The following TOX variants were observed in gnomAD, a reference collection of about 807,000 sequenced individuals.
TOX encodes the protein thymocyte selection associated high mobility group box.
TOX carries 11 observed loss-of-function variants against 53.7 expected under a neutral mutation model. That is an observed-to-expected ratio of 0.20 (90% CI 0.13 to 0.34). TOX has a LOEUF of 0.34. TOX is among the 10% of genes least tolerant of loss of function. TOX has a pLI of 1.00. For missense variants in TOX, 570 were observed against 664.6 expected (o/e 0.86, Z 1.56); for synonymous variants, 225 against 245.3 (o/e 0.92, Z 0.77).
chr8:58,848,329 T>A (rs913759323), intron 4 of TOX, among the ~76,000 whole-genome samples: 9 of 151,512 alleles, frequency 5.9e-5, no homozygotes, highest in African/African-American at 2.2e-4. Flanking sequence ...AAAAGAAACA[T>A]AAAATATTTG....
At chr8:58,859,331 T>C (rs867107420) in intron 3 of TOX, among the ~76,000 whole-genome samples, 11 of 152,174 alleles carry the variant, frequency 7.2e-5, no homozygotes, top group African/African-American at 2.4e-4. Context: ...TTTATAAAAA[T>C]GTATTTTTAT....
intron 1 of TOX, among the ~76,000 whole-genome samples, chr8:59,080,781 T>C (rs1043604678): frequency 1.3e-5 from 2 of 152,134 alleles, no homozygotes; most frequent in African/African-American, 4.8e-5. Flanking sequence ...TGCTACCATT[T>C]TGCCCTCCAC....
intron 1 of TOX, among the ~76,000 whole-genome samples, chr8:59,092,292 A>G (rs1164386768): frequency 8.7e-6 from 1 of 114,574 alleles, no homozygotes; most frequent in African/African-American, 5.6e-5. Flanking sequence ...TTATATATAC[A>G]TTATATATAT....
intron 3 of TOX, among the ~76,000 whole-genome samples, chr8:58,856,497 C>T (rs1466261026): frequency 6.6e-6 from 1 of 151,976 alleles, no homozygotes; most frequent in Non-Finnish European, 1.5e-5. Context: ...TTCTTTTTTC[C>T]TGGGAACTTC....
chr8:58,948,922 G>A (rs1383156246), intron 2 of TOX, among the ~76,000 whole-genome samples: 1 of 152,138 alleles, frequency 6.6e-6, no homozygotes, highest in African/African-American at 2.4e-5. Context: ...TCTTTTTAGT[G>A]CATATTTGCT....
chr8:59,027,660 G>C (rs1351274445), intron 1 of TOX, among the ~76,000 whole-genome samples: 1 of 151,996 alleles, frequency 6.6e-6, no homozygotes, highest in Non-Finnish European at 1.5e-5. Context: ...TGCCCAATCT[G>C]ATTTTTTACG....
Position 59,037,009 on chromosome 8 carries a change from G to A in TOX, c.103-77001C>T, listed in dbSNP as rs182641523. Among the ~76,000 whole-genome samples the A allele has an allele frequency of 2.6e-4, 40 of 152,258 alleles. No individual in the cohort carries two copies. In the East Asian group the frequency reaches 5.8e-3, roughly 22 times the overall value. Reference sequence around the variant, plus strand: ...CAATTCCTTATATGACCTGGAATGCGTGTCAAGAGCTGCTCATAGTTTGAC... The same window carrying A: ...CAATTCCTTATATGACCTGGAATGCATGTCAAGAGCTGCTCATAGTTTGAC... On this transcript the variant is annotated intron_variant, in intron 1 of 8. Coordinates refer to ENST00000361421, the MANE Select transcript of TOX (RefSeq NM_014729.3).
At chr8:59,026,368 G>C (rs985178039) in intron 1 of TOX, among the ~76,000 whole-genome samples, 2 of 152,122 alleles carry the variant, frequency 1.3e-5, no homozygotes, top group African/African-American at 4.8e-5. Context: ...AGCAATAGAA[G>C]AATGGAACTT....
intron 1 of TOX, among the ~76,000 whole-genome samples, chr8:59,015,405 C>T (rs924581998): frequency 2.6e-5 from 4 of 152,158 alleles, no homozygotes; most frequent in Non-Finnish European, 4.4e-5. Flanking sequence ...ATTCCCCTCC[C>T]CCAACATGCA....
At chr8:59,031,060 A>G (rs1814347272) in intron 1 of TOX, among the ~76,000 whole-genome samples, 1 of 152,234 alleles carries the variant, frequency 6.6e-6, no homozygotes, top group Non-Finnish European at 1.5e-5. Flanking sequence ...AAGTATAAGC[A>G]ATTTTCCACT....
chr8:58,983,242 G>T (rs1444143650), intron 1 of TOX, among the ~76,000 whole-genome samples: 1 of 152,090 alleles, frequency 6.6e-6, no homozygotes, highest in Non-Finnish European at 1.5e-5. Context: ...GTGTAGAATG[G>T]TGGTTTCCAC....
intron 1 of TOX, among the ~76,000 whole-genome samples, chr8:59,095,501 G>A (rs575170769): frequency 3.3e-5 from 5 of 152,242 alleles, no homozygotes; most frequent in African/African-American, 9.6e-5. Flanking sequence ...CTGCCTCCTG[G>A]GTTCAAGCAA....
chr8:58,976,870 G>A (rs1242332443), intron 1 of TOX, among the ~76,000 whole-genome samples: 1 of 152,166 alleles, frequency 6.6e-6, no homozygotes, highest in African/African-American at 2.4e-5. Flanking sequence ...TCTCAACAGT[G>A]GGCTTAAAAT....
intron 1 of TOX, among the ~76,000 whole-genome samples, chr8:59,096,387 G>T (rs1218053220): frequency 1.3e-5 from 2 of 152,164 alleles, no homozygotes; most frequent in Non-Finnish European, 2.9e-5. Context: ...GCTAACAATG[G>T]TAACCAATAC....
At chr8:59,097,540 T>A (rs915317481) in intron 1 of TOX, among the ~76,000 whole-genome samples, 3 of 152,210 alleles carry the variant, frequency 2.0e-5, no homozygotes, top group African/African-American at 7.2e-5. Context: ...AAAACTCACG[T>A]AAAGTTTCCC....
chr8:58,882,806 T>C (rs769496195), intron 3 of TOX, among the ~76,000 whole-genome samples: 3 of 152,170 alleles, frequency 2.0e-5, no homozygotes, highest in Non-Finnish European at 4.4e-5. Context: ...TATGAGTGCA[T>C]TGGGAAAAGA....
At chr8:59,114,587 A>G (rs1163545708) in intron 1 of TOX, among the ~76,000 whole-genome samples, 2 of 152,206 alleles carry the variant, frequency 1.3e-5, no homozygotes, top group Non-Finnish European at 2.9e-5. Flanking sequence ...TGTATGAATT[A>G]TCAACTATGA....
intron 3 of TOX, among the ~76,000 whole-genome samples, chr8:58,877,860 A>T (rs370225503): frequency 0.14 from 15,825 of 115,636 alleles, 1,652 homozygotes; most frequent in African/African-American, 0.34. Flanking sequence ...CTACATATTA[A>T]AAAAAAAAAA....
chr8:58,959,559 G>T (rs1812766798), intron 2 of TOX, among the ~76,000 whole-genome samples: 1 of 152,160 alleles, frequency 6.6e-6, no homozygotes, highest in African/African-American at 2.4e-5. Flanking sequence ...GTTGAAAATG[G>T]CCCCAACCAT....
Sources: allele counts gnomAD v4.1 joint callset (sites outside exome capture counted in the v4.1 genomes callset), GRCh38; gene constraint gnomAD v4.1.1; transcripts MANE v1.5; gene names NCBI Gene and HGNC (gene_info 2026-07-23, HGNC 2026-07-21).